KCTD17: variants seen among roughly 807,000 people sequenced by gnomAD.
The protein encoded by KCTD17 is BTB/POZ domain-containing protein KCTD17.
Under a neutral mutation model 41.5 loss-of-function variants are expected in KCTD17, and 20 were observed. The observed-to-expected ratio is 0.48, with a 90% CI of 0.34 to 0.70. KCTD17 has a LOEUF of 0.70. Ranked by LOEUF, KCTD17 falls within the 30% of genes least tolerant of loss-of-function variation. The pLI is 0.01. For missense variants in KCTD17, 317 were observed against 427.2 expected (o/e 0.74, Z 2.27); for synonymous variants, 156 against 173.8 (o/e 0.90, Z 0.80).
chr22:37,061,545 G>T lies in KCTD17; in HGVS notation c.791G>T (p.Arg264Leu). Reference sequence around the variant, plus strand: ...TCACGTTTCCTCCTTGCAGGTTCCCGTCCGCACCCTCTCAGACCTGAGGCT... The same window carrying T: ...TCACGTTTCCTCCTTGCAGGTTCCCTTCCGCACCCTCTCAGACCTGAGGCT... ...PPPPLPAGGS[R>L]PHPLRPEAEL... The change falls in exon 8 of 9, where the codon CGT (arginine) becomes CTT (leucine). Residue 264 changes from arginine (R) to leucine (L), a missense_variant. Physicochemically the swap from Arg to Leu is moderately radical, Grantham distance 102 (BLOSUM62 -2). This residue lies in a region of KCTD17 where 177 missense variants were observed against 194.4 expected (regional missense o/e 0.91). Transcript: ENST00000403888. This position sits in a 1 kb window ranked among gnomAD's most constrained non-coding sequence, Gnocchi z 6.6. 6.2e-7 allele frequency: 1 copy of T among 1,601,406 alleles called. No individual in the cohort carries two copies. Among genetic ancestry groups the T allele is most frequent in the African/African-American group, 1.3e-5 (1 of 74,994 alleles).
chr22:37,059,527 C>T, intron 5 of KCTD17, 89 bp downstream of exon 5: 1 of 1,433,638 alleles, frequency 7.0e-7, no homozygotes, highest in Non-Finnish European at 9.5e-7. Flanking sequence ...CCTGCACCAT[C>T]CCTCCACCTC....
In KCTD17 at chr22:37,053,106, A is replaced by T; in HGVS notation, c.196A>T (p.Thr66Ser). ...GCATCCCTCACCTCCATAGGATGAG[A>T]CCGGGGCCTACCTCATTGACCGTGA... ...GEELQSDRDETGAYLIDRDPT... is the reference protein window; with the variant it reads ...GEELQSDRDESGAYLIDRDPT... Residue 66 changes from threonine (T) to serine (S), a missense_variant, in exon 2 of 9, where the codon ACC becomes TCC. Coordinates refer to ENST00000403888, the MANE Select transcript of KCTD17 (RefSeq NM_001282684.2). This position sits in a 1 kb window ranked among gnomAD's most constrained non-coding sequence, Gnocchi z 4.1. 6.3e-7 allele frequency: 1 copy of T among 1,586,730 alleles called. No homozygotes were observed. The highest frequency in any genetic ancestry group is 8.6e-7 in the Non-Finnish European group (1 of 1,166,556).
rs1925821837 is a variant in KCTD17, at chr22:37,061,707, G to A, written c.875+78G>A. 1.3e-5 allele frequency: 19 copies of A among 1,502,364 alleles called. No individual in the cohort carries two copies. The highest frequency in any genetic ancestry group is 1.6e-5 in the Non-Finnish European group (18 of 1,122,132). The allele number at this position is 1,502,364 out of a possible 1,614,324, so 93.1% of individuals were successfully genotyped here. ...CTCTTGATCCTTGGACTTGAGCCGA[G>A]CTTTCGGCTGATTATCTCCACCCAC... On this transcript the variant is annotated intron_variant, in intron 8 of 8. Transcript: ENST00000403888. The surrounding 1 kb of genome is among the most constrained non-coding windows in gnomAD (Gnocchi z 6.6).
rs546208305 is a variant in KCTD17 at position 37,051,973 on chromosome 22, G to T, written c.189+24G>T. 247 of 1,424,544 alleles carry T rather than the reference G, an allele frequency of 1.7e-4. 1 individual carries two copies. The South Asian group carries it at 2.5e-3, about 15-fold the overall frequency. 88.2% of individuals were successfully genotyped at this position (1,424,544 alleles called of 1,614,324 possible). On this transcript the variant is annotated intron_variant, in intron 1 of 8. Coordinates refer to ENST00000403888, the MANE Select transcript of KCTD17 (RefSeq NM_001282684.2). ...GGGTGAGGCCCCCGGGGTGGGCGGC[G>T]AGCGGGCGGTGGGTCCTCCGCTCGC...
Position 37,051,960 on chromosome 22 carries a change from CG to C in KCTD17, c.189+15del. ...CTGCAGTCGGACCGGGTGAGGCCCCCGGGGTGGGCGGCGAGCGGGCGGTGGG... is the reference window on the plus strand; with the variant it reads ...CTGCAGTCGGACCGGGTGAGGCCCCCGGGTGGGCGGCGAGCGGGCGGTGGG... On this transcript the variant is annotated intron_variant, in intron 1 of 8. Coordinates refer to ENST00000403888, the MANE Select transcript of KCTD17 (RefSeq NM_001282684.2). 1.4e-6 allele frequency: 2 copies of C among 1,451,846 alleles called. No individual in the cohort carries two copies. The highest frequency in any genetic ancestry group is 9.1e-7 in the Non-Finnish European group (1 of 1,099,308). 89.9% of individuals were successfully genotyped at this position (1,451,846 alleles called of 1,614,324 possible). A position where few individuals can be genotyped will look rare whatever the true frequency, so the allele number is the denominator to read the frequency against.
Position 37,061,410 on chromosome 22 carries a change from A to C in KCTD17, c.785-129A>C. On this transcript the variant is annotated intron_variant, in intron 7 of 8. Coordinates refer to ENST00000403888, the MANE Select transcript of KCTD17 (RefSeq NM_001282684.2). The surrounding 1 kb of genome is among the most constrained non-coding windows in gnomAD (Gnocchi z 6.6). ...GTACCTCCTGCCTCCCAGCCTGGGG[A>C]GGAGGGGCGCAGCTGCACCTCCTCT... 2 of 1,473,628 alleles carry C rather than the reference A, an allele frequency of 1.4e-6. No individual in the cohort carries two copies. Among genetic ancestry groups the C allele is most frequent in the Non-Finnish European group, 1.8e-6 (2 of 1,112,702 alleles). The allele number at this position is 1,473,628 out of a possible 1,614,324, so 91.3% of individuals were successfully genotyped here.
intron 3 of KCTD17, among the ~76,000 whole-genome samples, chr22:37,056,669 G>A (rs775342498): frequency 5.3e-5 from 8 of 152,174 alleles, no homozygotes; most frequent in Non-Finnish European, 1.2e-4. Context: ...CGCCCTCTCC[G>A]GACCTTGATT....
rs780553079 is a variant in KCTD17 at position 37,061,544 on chromosome 22, C to T, written c.790C>T (p.Arg264Cys). 9 of 1,601,382 alleles carry T rather than the reference C, an allele frequency of 5.6e-6. No homozygotes were observed. The highest frequency in any genetic ancestry group is 1.6e-4 in the Middle Eastern group (1 of 6,080). Residue 264 changes from arginine to cysteine, a missense_variant, in exon 8 of 9, where the codon CGT becomes TGT. Physicochemically the swap from Arg to Cys is radical, Grantham distance 180. Around this residue, in one of 4 missense-constraint regions of KCTD17, gnomAD observed 177 missense variants for 194.4 expected, o/e 0.91. Coordinates refer to ENST00000403888, the MANE Select transcript of KCTD17 (RefSeq NM_001282684.2). This position sits in a 1 kb window ranked among gnomAD's most constrained non-coding sequence, Gnocchi z 6.6. ...PPPPLPAGGS[R>C]PHPLRPEAEL... ...CTCACGTTTCCTCCTTGCAGGTTCC[C>T]GTCCGCACCCTCTCAGACCTGAGGC...
rs967824621 is a variant in KCTD17 at position 37,053,275 on chromosome 22, AGCCATTTGGACAACCAGGACG to A, written c.298+73_298+93del. 15 of 1,230,526 alleles carry A rather than the reference AGCCATTTGGACAACCAGGACG, an allele frequency of 1.2e-5. No homozygotes were observed. Among genetic ancestry groups the A allele is most frequent in the Non-Finnish European group, 7.0e-6 (6 of 857,210 alleles). 76.2% of individuals were successfully genotyped at this position (1,230,526 alleles called of 1,614,324 possible). On this transcript the variant is annotated intron_variant, in intron 2 of 8. Transcript: ENST00000403888. This position sits in a 1 kb window ranked among gnomAD's most constrained non-coding sequence, Gnocchi z 4.1. ...GCCAGGGCCCTCTGTGGAGGCCCCA[AGCCATTTGGACAACCAGGACG>A]GCCATCTGCCTGCTTGGTTGTTTCC...
chr22:37,060,341 G>A (rs965134338), intron 5 of KCTD17, among the ~76,000 whole-genome samples: 3 of 152,100 alleles, frequency 2.0e-5, no homozygotes, highest in African/African-American at 4.8e-5. Context: ...CCCTGCAAGG[G>A]TGCAGAGCGA....
chr22:37,062,905 T>G lies in KCTD17; in HGVS notation c.*311T>G, dbSNP rs1483866533. The G allele has an allele frequency of 2.4e-6, 1 of 423,260 alleles. No individual in the cohort carries two copies. Among genetic ancestry groups the G allele is most frequent in the African/African-American group, 2.0e-5 (1 of 49,558 alleles). 26.2% of individuals were successfully genotyped at this position (423,260 alleles called of 1,614,324 possible). On this transcript the variant is annotated 3_prime_UTR_variant, in exon 9 of 9. Transcript: ENST00000403888. ...CCCGGTCACATTGCCTCCTTGAGCCTTAGTCCAGGGGGTCACTCCTCCCAC... is the reference window on the plus strand; with the variant it reads ...CCCGGTCACATTGCCTCCTTGAGCCGTAGTCCAGGGGGTCACTCCTCCCAC...
intron 2 of KCTD17, among the ~76,000 whole-genome samples, chr22:37,054,347 C>T (rs1924843401): frequency 6.6e-6 from 1 of 152,168 alleles, no homozygotes; most frequent in African/African-American, 2.4e-5. Context: ...CCCTGCTATT[C>T]CCACACCGTC....
At chr22:37,059,514 G>A in intron 5 of KCTD17, 76 bp downstream of exon 5, 1 of 1,506,192 alleles carries the variant, frequency 6.6e-7, no homozygotes, top group South Asian at 1.2e-5. Context: ...TCCCGCCCCT[G>A]CGCCTGCACC....
intron 2 of KCTD17, among the ~76,000 whole-genome samples, chr22:37,055,973 G>T (rs893065669): frequency 6.6e-6 from 1 of 152,320 alleles, no homozygotes; most frequent in South Asian, 2.1e-4. Flanking sequence ...ATAATCAGGG[G>T]TCAGGCAAGG....
chr22:37,052,193 G>C, intron 1 of KCTD17: 1 of 485,510 alleles, frequency 2.1e-6, no homozygotes, highest in Non-Finnish European at 3.6e-6. Context: ...CAGCCGCCCC[G>C]GATCGGGGCC....
At chr22:37,052,234 A>C in intron 1 of KCTD17, 1 of 443,022 alleles carries the variant, frequency 2.3e-6, no homozygotes, top group South Asian at 2.5e-5. Context: ...GTGGACAGGG[A>C]GAGACCTGGG....
rs541488846 is a variant in KCTD17, at chr22:37,053,827, G to A, written c.298+619G>A. On this transcript the variant is annotated intron_variant, in intron 2 of 8. Transcript: ENST00000403888. The surrounding 1 kb of genome is among the most constrained non-coding windows in gnomAD (Gnocchi z 4.1). ...CATATCCGGGCCTAACAAACAGTGG[G>A]GAGGCCATGTCTGGGAGAACGACCT... Among the ~76,000 whole-genome samples the A allele has an allele frequency of 6.6e-6, 1 of 152,290 alleles. No homozygotes were observed. The highest frequency in any genetic ancestry group is 2.4e-5 in the African/African-American group (1 of 41,554).
At position 37,061,447 on chromosome 22, in the gene KCTD17, C is replaced by A; in HGVS notation, c.785-92C>A. 2 of 1,508,924 alleles carry A rather than the reference C, an allele frequency of 1.3e-6. No homozygotes were observed. Among genetic ancestry groups the A allele is most frequent in the Non-Finnish European group, 1.8e-6 (2 of 1,129,370 alleles). The allele number at this position is 1,508,924 out of a possible 1,614,324, so 93.5% of individuals were successfully genotyped here. A position where few individuals can be genotyped will look rare whatever the true frequency, so the allele number is the denominator to read the frequency against. On this transcript the variant is annotated intron_variant, in intron 7 of 8. Coordinates refer to ENST00000403888, the MANE Select transcript of KCTD17 (RefSeq NM_001282684.2). The surrounding 1 kb of genome is among the most constrained non-coding windows in gnomAD (Gnocchi z 6.6). ...GCTGCACCTCCTCTGTGCCCACTAA[C>A]CCTGCCGGGCACCTCTGAGACTGGG...
chr22:37,061,510 G>T lies in KCTD17; in HGVS notation c.785-29G>T. ...GCCCTGCCCCCCCTCCTCTCCTCCC[G>T]GCCTCCTCCTCACGTTTCCTCCTTG... On this transcript the variant is annotated intron_variant, in intron 7 of 8. Transcript: ENST00000403888. This position sits in a 1 kb window ranked among gnomAD's most constrained non-coding sequence, Gnocchi z 6.6. The T allele has an allele frequency of 6.3e-7, 1 of 1,591,208 alleles. No individual in the cohort carries two copies.
Sources: gnomAD v4.1 joint callset for allele counts (sites outside exome capture counted in the v4.1 genomes callset) on GRCh38, gnomAD v4.1.1 for gene constraint, gnomAD v4.1.1 regional missense constraint, Gnocchi (gnomAD v3.1) non-coding constraint, MANE v1.5 for transcripts, NCBI Gene and HGNC (gene_info 2026-07-23, HGNC 2026-07-21) for gene names.